The following FARP1 variants were observed in gnomAD, a reference collection of about 807,000 sequenced individuals.
FARP1 encodes FERM, ARH/RhoGEF and pleckstrin domain protein 1, also known as FERM, ARHGEF and pleckstrin domain-containing protein 1.
Under a neutral mutation model 128.8 loss-of-function variants are expected in FARP1, and 52 were observed. That is an observed-to-expected ratio of 0.40 (90% CI 0.32 to 0.51). FARP1 has a LOEUF of 0.51. Among genes scored for constraint, FARP1 ranks in the 20% least tolerant of loss-of-function variants. The probability of loss-of-function intolerance (pLI) is 0.45; values close to 1 mark genes in which losing one functional copy is unlikely to be tolerated. For missense variants in FARP1, 1,333 were observed against 1,367.9 expected (o/e 0.97, Z 0.40); for synonymous variants, 580 against 551.8 (o/e 1.05, Z -0.72).
At chr13:98,208,961 C>G (rs377183701) in intron 1 of FARP1, among the ~76,000 whole-genome samples, 2 of 152,096 alleles carry the variant, frequency 1.3e-5, no homozygotes, top group Non-Finnish European at 2.9e-5. Context: ...ATTTGGAAAC[C>G]GGATGGTTTT....
intron 24 of FARP1, 95 bp from the exon 25 acceptor site, chr13:98,446,003 C>A: frequency 1.2e-6 from 1 of 822,710 alleles, no homozygotes. Flanking sequence ...CACGGACATG[C>A]CCCAGCCCAG....
At chr13:98,327,060 A>G (rs902224627) in intron 2 of FARP1, among the ~76,000 whole-genome samples, 1 of 152,268 alleles carries the variant, frequency 6.6e-6, no homozygotes, top group African/African-American at 2.4e-5. Flanking sequence ...GGAAGGAGAC[A>G]CACTCCATTT....
intron 13 of FARP1, 67 bp from the exon 14 acceptor site, chr13:98,409,271 T>G: frequency 8.0e-7 from 1 of 1,249,846 alleles, no homozygotes; most frequent in Non-Finnish European, 1.1e-6. Context: ...GTGAAAGTAG[T>G]GAATAGAAAT....
chr13:98,264,486 G>A (rs1031229120), intron 2 of FARP1, among the ~76,000 whole-genome samples: 3 of 152,164 alleles, frequency 2.0e-5, no homozygotes, highest in South Asian at 2.1e-4. Context: ...TGCTCAGACC[G>A]ACTGTCGTGG....
intron 2 of FARP1, among the ~76,000 whole-genome samples, chr13:98,257,924 C>T (rs1883686596): frequency 6.6e-6 from 1 of 152,154 alleles, no homozygotes; most frequent in Admixed American, 6.5e-5. Flanking sequence ...TTGATGTAGC[C>T]ATTCCACAGC....
At chr13:98,159,329 A>T (rs1429854218) in intron 1 of FARP1, among the ~76,000 whole-genome samples, 1 of 152,232 alleles carries the variant, frequency 6.6e-6, no homozygotes, top group Non-Finnish European at 1.5e-5. Context: ...TAATAAGTGA[A>T]GTCAGGGGTC....
At chr13:98,306,184 CA>C (rs1375600147) in intron 2 of FARP1, among the ~76,000 whole-genome samples, 1 of 152,210 alleles carries the variant, frequency 6.6e-6, no homozygotes, top group Admixed American at 6.5e-5. Flanking sequence ...CTGAAGTTTG[CA>C]TTGTGTTGTT....
At chr13:98,255,894 A>AACT (rs1883563800) in intron 2 of FARP1, among the ~76,000 whole-genome samples, 2 of 152,192 alleles carry the variant, frequency 1.3e-5, no homozygotes, top group African/African-American at 4.8e-5. Context: ...ATGTAGCTGG[A>AACT]ACTGTAGGCC....
chr13:98,390,004 C>T lies in FARP1; in HGVS notation c.903C>T (p.Phe301=), dbSNP rs762648277. 1.2e-6 allele frequency: 2 copies of T among 1,614,080 alleles called. No homozygotes were observed. Among genetic ancestry groups the T allele is most frequent in the African/African-American group, 2.7e-5 (2 of 74,920 alleles). Residue 301 remains phenylalanine (F), a synonymous_variant, in exon 10 of 27, where the codon TTC becomes TTT. Coordinates refer to ENST00000319562, the MANE Select transcript of FARP1 (RefSeq NM_005766.4). ...TLEFLMASRD[F]CKSFWKICVE... ...AATTCCTGATGGCCAGTCGGGATTT[C>T]TGCAAGTCCTTCTGGAAAATCTGTG...
intron 3 of FARP1, among the ~76,000 whole-genome samples, chr13:98,351,541 G>A (rs541309046): frequency 9.9e-4 from 150 of 151,790 alleles, no homozygotes; most frequent in Non-Finnish European, 1.8e-3. Flanking sequence ...GAACCCGGGA[G>A]GCGGAGCTCG....
chr13:98,276,995 AT>A (rs1421926923), intron 2 of FARP1, among the ~76,000 whole-genome samples: 2 of 152,200 alleles, frequency 1.3e-5, no homozygotes, highest in African/African-American at 4.8e-5. Flanking sequence ...GGTGATTGAT[AT>A]GAAAATGTCA....
intron 1 of FARP1, among the ~76,000 whole-genome samples, chr13:98,195,623 C>G (rs1879525164): frequency 6.6e-6 from 1 of 152,134 alleles, no homozygotes; most frequent in Non-Finnish European, 1.5e-5. Flanking sequence ...TTTGTGGGTA[C>G]TCAGTGTATT....
chr13:98,177,345 T>A, intron 1 of FARP1: 1 of 888,570 alleles, frequency 1.1e-6, no homozygotes, highest in Non-Finnish European at 1.6e-6. Context: ...CAAAAGCAAG[T>A]GAAAGAAAAG....
intron 2 of FARP1, among the ~76,000 whole-genome samples, chr13:98,274,435 C>T (rs1026120973): frequency 7.9e-5 from 12 of 152,030 alleles, no homozygotes; most frequent in South Asian, 4.2e-4. Context: ...GGAAGGTTGC[C>T]GTTTATTTCA....
chr13:98,283,562 T>C (rs1216972728), intron 2 of FARP1, among the ~76,000 whole-genome samples: 2 of 152,216 alleles, frequency 1.3e-5, no homozygotes, highest in African/African-American at 4.8e-5. Flanking sequence ...TCTGTTTTTT[T>C]CATCTGAGAA....
intron 1 of FARP1, among the ~76,000 whole-genome samples, chr13:98,168,488 A>C: frequency 6.6e-6 from 1 of 152,206 alleles, no homozygotes; most frequent in South Asian, 2.1e-4. Flanking sequence ...CCTTGTCCAG[A>C]AGTCTTCAGA....
At chr13:98,306,525 T>C (rs556394970) in intron 2 of FARP1, among the ~76,000 whole-genome samples, 1 of 150,426 alleles carries the variant, frequency 6.6e-6, no homozygotes. Context: ...TTCTTTCTTT[T>C]TTGTTTTGAG....
chr13:98,232,144 G>GTTTTTTTTTTTTTTTTTTT (rs1555329634), intron 2 of FARP1, among the ~76,000 whole-genome samples: 16 of 111,676 alleles, frequency 1.4e-4, no homozygotes, highest in East Asian at 2.6e-4. Context: ...TTGTTTGGTT[G>GTTTTTTTTTTTTTTTTTTT]GTTTTTTTTT....
chr13:98,176,727 C>T lies in FARP1; in HGVS notation c.-24+33235C>T. On this transcript the variant is annotated intron_variant, in intron 1 of 26. Coordinates refer to ENST00000319562, the MANE Select transcript of FARP1 (RefSeq NM_005766.4). The surrounding 1 kb of genome is among the most constrained non-coding windows in gnomAD (Gnocchi z 6.2). ...CACGTATGGGGCCCTTCCTCGCCAT[C>T]CCCGAGGAGGAGTTGCCCATGGACG... The T allele has an allele frequency of 6.2e-7, 1 of 1,614,168 alleles. No individual in the cohort carries two copies. Among genetic ancestry groups the T allele is most frequent in the Non-Finnish European group, 8.5e-7 (1 of 1,180,034 alleles).
Sources: allele counts gnomAD v4.1 joint callset (sites outside exome capture counted in the v4.1 genomes callset), GRCh38; gene constraint gnomAD v4.1.1; non-coding constraint Gnocchi (gnomAD v3.1); transcripts MANE v1.5; gene names NCBI Gene and HGNC (gene_info 2026-07-23, HGNC 2026-07-21).